Variants in ANKRA2 observed in about 807,000 individuals in gnomAD.
The protein encoded by ANKRA2 is ankyrin repeat family A member 2.
Under a neutral mutation model 37.8 loss-of-function variants are expected in ANKRA2, and 33 were observed. The ratio of observed to expected loss-of-function variants is 0.87; its 90% CI spans 0.66 to 1.17. The LOEUF is 1.17. ANKRA2 is among the 50% of genes most tolerant of loss of function. The pLI is 0.00. For missense variants in ANKRA2, 326 were observed against 373.7 expected (o/e 0.87, Z 1.05); for synonymous variants, 126 against 132.3 (o/e 0.95, Z 0.33).
intron 3 of ANKRA2, among the ~76,000 whole-genome samples, chr5:73,559,690 A>G (rs1248593198): frequency 6.6e-6 from 1 of 152,126 alleles, no homozygotes; most frequent in Non-Finnish European, 1.5e-5. Context: ...TAAAACTTTT[A>G]AGTTTTCATA....
intron 3 of ANKRA2, among the ~76,000 whole-genome samples, chr5:73,559,247 G>T (rs1747480688): frequency 6.6e-6 from 1 of 152,124 alleles, no homozygotes; most frequent in Admixed American, 6.6e-5. Context: ...AGAAAAAACA[G>T]ATTTTGTCAT....
intron 4 of ANKRA2, 86 bp downstream of exon 4, chr5:73,557,489 T>C (rs1640): frequency 0.18 from 162,817 of 880,824 alleles, 17,724 homozygotes; most frequent in Non-Finnish European, 0.21. Context: ...TTTTTGTCTT[T>C]AGGACTTTCT....
chr5:73,553,723 A>G (rs1457929269), intron 7 of ANKRA2, among the ~76,000 whole-genome samples: 2 of 152,174 alleles, frequency 1.3e-5, no homozygotes, highest in African/African-American at 2.4e-5. Flanking sequence ...ATTAAAGATA[A>G]AGCTCACGCA....
chr5:73,558,890 A>G (rs938502176), intron 3 of ANKRA2, among the ~76,000 whole-genome samples: 2 of 152,200 alleles, frequency 1.3e-5, no homozygotes, highest in Non-Finnish European at 2.9e-5. Flanking sequence ...GTGATGTTGG[A>G]TAAGTTTAAA....
intron 2 of ANKRA2, 33 bp from the exon 3 acceptor site, chr5:73,561,321 G>C: frequency 6.3e-7 from 1 of 1,581,444 alleles, no homozygotes. Flanking sequence ...CACATTAAAA[G>C]CATTTCAGTA....
intron 8 of ANKRA2, 117 bp from the exon 9 acceptor site, chr5:73,552,969 A>G (rs536774172): frequency 1.2e-6 from 1 of 840,376 alleles, no homozygotes; most frequent in African/African-American, 1.7e-5. Context: ...TAAGCAGGAT[A>G]CATACATAGC....
chr5:73,561,275 G>A lies in ANKRA2; in HGVS notation c.303C>T (p.Ile101=). Residue 101 remains isoleucine (I), a synonymous_variant, in exon 3 of 9, where the codon ATC becomes ATT. Coordinates refer to ENST00000296785, the MANE Select transcript of ANKRA2 (RefSeq NM_023039.5). ...ASVLFKAECN[I]HTSPSPGIQV... ...GAATTCCCGGAGAAGGAGATGTATG[G>A]ATATTGCATTCAGCTAAGTGAAAAA... 1.9e-6 allele frequency: 3 copies of A among 1,612,676 alleles called. No individual in the cohort carries two copies. Among genetic ancestry groups the A allele is most frequent in the Non-Finnish European group, 2.5e-6 (3 of 1,179,082 alleles).
In ANKRA2 at chr5:73,555,503, C is replaced by G. The variant is rs1327111016; in HGVS notation, c.597G>C (p.Glu199Asp). ...TTTTCCTTACATTCTGAAGTAGGAA[C>G]TCTACCACAGCTATTTGCCCGTGTG... Reference protein sequence around the residue: ...AAAHGQIAVVEFLLQNGADPQ... With the variant: ...AAAHGQIAVVDFLLQNGADPQ... The change falls in exon 5 of 9, where the codon GAG becomes GAC. Residue 199 changes from glutamate (E) to aspartate (D), a missense_variant. Glu to Asp is a conservative substitution (Grantham distance 45). Transcript: ENST00000296785. The G allele has an allele frequency of 6.2e-7, 1 of 1,613,442 alleles. No homozygotes were observed.
At chr5:73,559,287 A>T (rs1747481529) in intron 3 of ANKRA2, among the ~76,000 whole-genome samples, 1 of 152,220 alleles carries the variant, frequency 6.6e-6, no homozygotes, top group Non-Finnish European at 1.5e-5. Flanking sequence ...TTTATCTTAC[A>T]TTCTCAAATA....
At chr5:73,560,094 T>C (rs892013388) in intron 3 of ANKRA2, among the ~76,000 whole-genome samples, 13 of 152,096 alleles carry the variant, frequency 8.5e-5, no homozygotes, top group Non-Finnish European at 1.8e-4. Flanking sequence ...TGCAAGAATA[T>C]ATGAAAAAGT....
At chr5:73,553,613 AG>A (rs1488957317) in intron 7 of ANKRA2, 127 bp from the exon 8 acceptor site, 3 of 744,516 alleles carry the variant, frequency 4.0e-6, no homozygotes, top group Non-Finnish European at 6.7e-6. Context: ...AGTCTGACAA[AG>A]TACAGAGTGC....
At position 73,562,992 on chromosome 5, in the gene ANKRA2, G is replaced by T; in HGVS notation, c.-104-7C>A. 1.0e-6 allele frequency: 1 copy of T among 978,034 alleles called. No homozygotes were observed. The highest frequency in any genetic ancestry group is 1.4e-6 in the Non-Finnish European group (1 of 690,148). The allele number at this position is 978,034 out of a possible 1,614,324, so 60.6% of individuals were successfully genotyped here. A position where few individuals can be genotyped will look rare whatever the true frequency, so the allele number is the denominator to read the frequency against. ...AATCTGGATATTTAAAAATCTGAAA[G>T]AAAAAATTAGAAAATTAAAAGTATT... On this transcript the variant is annotated splice_polypyrimidine_tract_variant and splice_region_variant and intron_variant, in intron 1 of 8. Coordinates refer to ENST00000296785, the MANE Select transcript of ANKRA2 (RefSeq NM_023039.5).
rs1747551069 is a variant in ANKRA2, at chr5:73,561,412, C to T, written c.290-124G>A. On this transcript the variant is annotated intron_variant, in intron 2 of 8. Transcript: ENST00000296785. ...CAATTAAACTATTTATCAAGTGATA[C>T]TAAATTGTTTTTATCATTAAAGTCC... 4.3e-6 allele frequency: 4 copies of T among 930,176 alleles called. No individual in the cohort carries two copies. The East Asian group carries it at 1.1e-4, about 26-fold the overall frequency. The allele number at this position is 930,176 out of a possible 1,614,324, so 57.6% of individuals were successfully genotyped here.
intron 5 of ANKRA2, 175 bp from the exon 6 acceptor site, chr5:73,555,161 C>T: frequency 7.0e-7 from 1 of 1,421,478 alleles, no homozygotes; most frequent in Non-Finnish European, 9.1e-7. Context: ...TGGATGCCTT[C>T]CTTCCTCCGT....
At chr5:73,556,308 TAAAC>T (rs1042389190) in intron 4 of ANKRA2, among the ~76,000 whole-genome samples, 2 of 152,142 alleles carry the variant, frequency 1.3e-5, no homozygotes, top group African/African-American at 4.8e-5. Flanking sequence ...CAAATATTCA[TAAAC>T]AAACAGAAAT....
At position 73,562,576 on chromosome 5, in the gene ANKRA2, A is replaced by G; in HGVS notation, c.289+17T>C. On this transcript the variant is annotated intron_variant, in intron 2 of 8. Transcript: ENST00000296785. ...AAAACAAAAACAAATGCAGATATTT[A>G]TACCATAACTTTCAACCTTTAAATA... 1 of 1,582,744 alleles carries G rather than the reference A, an allele frequency of 6.3e-7. No individual in the cohort carries two copies. The highest frequency in any genetic ancestry group is 1.4e-5 in the African/African-American group (1 of 73,746).
chr5:73,557,673 A>T, intron 3 of ANKRA2, 33 bp from the exon 4 acceptor site: 1 of 1,524,600 alleles, frequency 6.6e-7, no homozygotes, highest in Admixed American at 1.7e-5. Flanking sequence ...TTCATGAATT[A>T]TCTATAGGGT....
At chr5:73,558,804 AT>A (rs1747469072) in intron 3 of ANKRA2, among the ~76,000 whole-genome samples, 1 of 152,186 alleles carries the variant, frequency 6.6e-6, no homozygotes. Flanking sequence ...AAGTGCTAGG[AT>A]TATAGGCATG....
At chr5:73,554,781 A>G (rs1747353291) in intron 6 of ANKRA2, 80 bp downstream of exon 6, 1 of 1,486,588 alleles carries the variant, frequency 6.7e-7, no homozygotes. Context: ...CTTCTTTAAT[A>G]AAACTTACTG....
Sources: gnomAD v4.1 joint callset for allele counts (sites outside exome capture counted in the v4.1 genomes callset) on GRCh38, gnomAD v4.1.1 for gene constraint, MANE v1.5 for transcripts, NCBI Gene and HGNC (gene_info 2026-07-23, HGNC 2026-07-21) for gene names.